The following ADAMTS3 variants were observed in gnomAD, a reference collection of about 807,000 sequenced individuals.
ADAMTS3 encodes A disintegrin and metalloproteinase with thrombospondin motifs 3.
In ADAMTS3, 73 loss-of-function variants were observed where a neutral mutation model predicts 129.0. The observed-to-expected ratio is 0.57, with a 90% CI of 0.47 to 0.69. The LOEUF is 0.69. ADAMTS3 is among the 30% of genes least tolerant of loss of function. The pLI, the probability that ADAMTS3 is intolerant of heterozygous loss-of-function variation, is 0.00. For missense variants in ADAMTS3, 1,457 were observed against 1,514.5 expected (o/e 0.96, Z 0.63); for synonymous variants, 477 against 510.8 (o/e 0.93, Z 0.89).
At chr4:72,443,170 CA>C (rs1718163455) in intron 3 of ADAMTS3, among the ~76,000 whole-genome samples, 1 of 151,660 alleles carries the variant, frequency 6.6e-6, no homozygotes, top group South Asian at 2.1e-4. Flanking sequence ...AAATCCTACT[CA>C]GTCACCACAA....
chr4:72,513,570 A>G (rs1210597749), intron 3 of ADAMTS3, among the ~76,000 whole-genome samples: 1 of 152,172 alleles, frequency 6.6e-6, no homozygotes, highest in African/African-American at 2.4e-5. Context: ...TTCATGTTCT[A>G]TGATGAAGCC....
rs753980561 is a variant in ADAMTS3, at chr4:72,319,905, C to T, written c.1161G>A (p.Glu387=). 6.2e-7 allele frequency: 1 copy of T among 1,613,930 alleles called. No homozygotes were observed. Among genetic ancestry groups the T allele is most frequent in the Non-Finnish European group, 8.5e-7 (1 of 1,179,938 alleles). The change falls in exon 8 of 22, where the codon GAG becomes GAA. Residue 387 remains glutamate (E), a synonymous_variant. Transcript: ENST00000286657. ...HPVRSCTLNH[E]DGFSSAFVVA... Reference sequence around the variant, plus strand: ...CTACAAAAGCAGATGAAAAACCATCCTCATGATTCAGGGTACAACTTCTCA... The same window carrying T: ...CTACAAAAGCAGATGAAAAACCATCTTCATGATTCAGGGTACAACTTCTCA...
intron 3 of ADAMTS3, among the ~76,000 whole-genome samples, chr4:72,442,725 G>A (rs777913005): frequency 1.3e-5 from 2 of 151,834 alleles, no homozygotes; most frequent in African/African-American, 2.4e-5. Flanking sequence ...GGATTGCTCC[G>A]AATGGGAGCA....
intron 16 of ADAMTS3, among the ~76,000 whole-genome samples, 179 bp downstream of exon 16, chr4:72,305,779 GCACATGTACGCACATATACGCATGCACAT>G (rs1180103217): frequency 1.4e-3 from 213 of 151,994 alleles, no homozygotes; most frequent in African/African-American, 4.9e-3. Flanking sequence ...ATATACACAT[GCACATGTACGCACATATACGCATGCACAT>G]CATGCACATG....
chr4:72,361,546 T>TA (rs1466465887), intron 4 of ADAMTS3, among the ~76,000 whole-genome samples: 1 of 152,178 alleles, frequency 6.6e-6, no homozygotes, highest in Non-Finnish European at 1.5e-5. Context: ...TCTGTTTTTG[T>TA]AATTATGGAG....
intron 4 of ADAMTS3, among the ~76,000 whole-genome samples, chr4:72,399,368 G>A (rs1721814804): frequency 6.6e-6 from 1 of 152,134 alleles, no homozygotes; most frequent in African/African-American, 2.4e-5. Context: ...AGGAGTTTGA[G>A]GTTGCAGTGA....
At chr4:72,310,937 A>G in intron 14 of ADAMTS3, 111 bp downstream of exon 14, 1 of 1,026,920 alleles carries the variant, frequency 9.7e-7, no homozygotes, top group South Asian at 2.5e-5. Flanking sequence ...ATAGACACTT[A>G]CTATAATGTG....
intron 2 of ADAMTS3, among the ~76,000 whole-genome samples, chr4:72,549,997 AGAG>A (rs1439032860): frequency 0.089 from 891 of 9,970 alleles, 187 homozygotes; most frequent in African/African-American, 0.31. Context: ...AAGAAGAGGA[AGAG>A]GAAGAAGAAG....
At chr4:72,461,388 C>T (rs1718767319) in intron 3 of ADAMTS3, among the ~76,000 whole-genome samples, 1 of 151,668 alleles carries the variant, frequency 6.6e-6, no homozygotes, top group African/African-American at 2.4e-5. Context: ...TTTCTCATGC[C>T]ATCTGTAATG....
At chr4:72,341,740 T>C (rs963059149) in intron 4 of ADAMTS3, among the ~76,000 whole-genome samples, 3 of 152,218 alleles carry the variant, frequency 2.0e-5, no homozygotes, top group Admixed American at 6.5e-5. Context: ...ACCTTTGGTT[T>C]GGCCTTTGCA....
chr4:72,479,754 G>C (rs1719372371), intron 3 of ADAMTS3, among the ~76,000 whole-genome samples: 1 of 152,144 alleles, frequency 6.6e-6, no homozygotes, highest in Non-Finnish European at 1.5e-5. Context: ...AGAGTGAACA[G>C]GCAGCCTGCA....
At chr4:72,342,359 C>CT (rs58586015) in intron 4 of ADAMTS3, among the ~76,000 whole-genome samples, 3,665 of 127,210 alleles carry the variant, frequency 0.029, 174 homozygotes, top group African/African-American at 0.1. Context: ...TCCCCAATTA[C>CT]TTTTTTTTTT....
chr4:72,498,859 TG>T (rs1470274441), intron 3 of ADAMTS3, among the ~76,000 whole-genome samples: 1 of 152,126 alleles, frequency 6.6e-6, no homozygotes, highest in Non-Finnish European at 1.5e-5. Flanking sequence ...GAATGTTCAT[TG>T]TTCCAATACT....
chr4:72,426,054 T>C (rs1722566322), intron 3 of ADAMTS3, among the ~76,000 whole-genome samples: 1 of 152,202 alleles, frequency 6.6e-6, no homozygotes. Flanking sequence ...TATCTCACTG[T>C]GGTTTTGATT....
intron 19 of ADAMTS3, among the ~76,000 whole-genome samples, chr4:72,292,593 G>T (rs572525654): frequency 3.9e-5 from 6 of 152,156 alleles, no homozygotes; most frequent in Non-Finnish European, 8.8e-5. Context: ...CTCCAAATCA[G>T]CTGTGGATAC....
intron 4 of ADAMTS3, among the ~76,000 whole-genome samples, chr4:72,368,465 T>C (rs918731075): frequency 6.6e-6 from 1 of 152,232 alleles, no homozygotes; most frequent in African/African-American, 2.4e-5. Flanking sequence ...AATTATATAC[T>C]TAATTGATAG....
intron 3 of ADAMTS3, among the ~76,000 whole-genome samples, chr4:72,542,313 C>A (rs1721353772): frequency 6.6e-6 from 1 of 151,910 alleles, no homozygotes; most frequent in Admixed American, 6.6e-5. Context: ...TACAGGCGCC[C>A]ACCACCACGC....
intron 19 of ADAMTS3, 143 bp downstream of exon 19, chr4:72,295,511 T>C (rs1718781384): frequency 1.3e-6 from 1 of 789,884 alleles, no homozygotes; most frequent in Non-Finnish European, 1.9e-6. Context: ...TGCAGCTTTA[T>C]ATAATTCCTG....
chr4:72,450,359 G>A (rs766808326), intron 3 of ADAMTS3, among the ~76,000 whole-genome samples: 20 of 151,686 alleles, frequency 1.3e-4, no homozygotes, highest in Non-Finnish European at 1.0e-4. Context: ...CCATGGAAGA[G>A]CATGCAAGGC....
Sources: gnomAD v4.1 joint callset for allele counts (sites outside exome capture counted in the v4.1 genomes callset) on GRCh38, gnomAD v4.1.1 for gene constraint, MANE v1.5 for transcripts, NCBI Gene and HGNC (gene_info 2026-07-23, HGNC 2026-07-21) for gene names.